IGBP1C: variants seen among roughly 807,000 people sequenced by gnomAD.
IGBP1C encodes the protein IGBP1 family member C.
the IGBP1C span, among the ~76,000 whole-genome samples, chr17:58,672,350 G>A: frequency 6.6e-6 from 1 of 152,034 alleles, no homozygotes; most frequent in Non-Finnish European, 1.5e-5. Flanking sequence ...AGCACTGCTG[G>A]AGAAAAAAAG....
chr17:58,674,529 G>A, the IGBP1C span, among the ~76,000 whole-genome samples: 3 of 151,706 alleles, frequency 2.0e-5, no homozygotes, highest in South Asian at 6.2e-4. Context: ...AATTAGCTGA[G>A]CATGGTGGCT....
the IGBP1C span, among the ~76,000 whole-genome samples, chr17:58,686,863 T>A: frequency 3.8e-5 from 1 of 26,000 alleles, no homozygotes; most frequent in East Asian, 8.9e-4. Context: ...AAGGTCACCT[T>A]TTTTTTTTTT....
the IGBP1C span, chr17:58,661,522 G>C: frequency 1.3e-6 from 1 of 778,420 alleles, no homozygotes; most frequent in African/African-American, 1.7e-5. Context: ...CTTCGACTTC[G>C]TCCAGAAGCT....
chr17:58,688,804 T>TC, the IGBP1C span, among the ~76,000 whole-genome samples: 1 of 152,118 alleles, frequency 6.6e-6, no homozygotes, highest in Admixed American at 6.6e-5. Flanking sequence ...CAAAACATAT[T>TC]CCCGGGGGGG....
the IGBP1C span, among the ~76,000 whole-genome samples, chr17:58,673,431 C>T: frequency 1.6e-4 from 24 of 151,480 alleles, no homozygotes; most frequent in South Asian, 6.3e-4. Flanking sequence ...TGCAGTGAGC[C>T]GAGATCACGC....
chr17:58,666,168 C>T, the IGBP1C span, among the ~76,000 whole-genome samples: 45 of 151,842 alleles, frequency 3.0e-4, no homozygotes, highest in Non-Finnish European at 4.1e-4. Context: ...CATGGTAAGA[C>T]GCCATCTCTA....
At chr17:58,661,385 T>A in the IGBP1C span, 1 of 902,586 alleles carries the variant, frequency 1.1e-6, no homozygotes, top group Non-Finnish European at 1.9e-6. Flanking sequence ...GGAAGTAATC[T>A]CCTCCAAATC....
the IGBP1C span, chr17:58,666,706 T>C: frequency 6.6e-6 from 1 of 152,178 alleles, no homozygotes; most frequent in Admixed American, 6.5e-5. Context: ...ATGAGGTACT[T>C]GCGTGACCCC....
the IGBP1C span, among the ~76,000 whole-genome samples, chr17:58,673,743 T>A: frequency 6.6e-6 from 1 of 151,832 alleles, no homozygotes; most frequent in African/African-American, 2.4e-5. Context: ...TTCAATCTTT[T>A]TTTTGTTTTT....
At chr17:58,680,279 G>A in the IGBP1C span, among the ~76,000 whole-genome samples, 19 of 151,970 alleles carry the variant, frequency 1.3e-4, no homozygotes, top group Non-Finnish European at 2.5e-4. Flanking sequence ...CATGAAATTT[G>A]GTAAAATTAT....
chr17:58,669,884 C>T, the IGBP1C span, among the ~76,000 whole-genome samples: 6 of 152,162 alleles, frequency 3.9e-5, no homozygotes, highest in Non-Finnish European at 8.8e-5. Context: ...GCCCAAAGCC[C>T]TTCAATACTC....
the IGBP1C span, chr17:58,679,531 G>GA: frequency 1.3e-5 from 2 of 152,138 alleles, no homozygotes; most frequent in Admixed American, 6.6e-5. Context: ...CAGATCAGGG[G>GA]AGAGAACCAA....
chr17:58,682,564 C>T, the IGBP1C span, among the ~76,000 whole-genome samples: 7 of 151,984 alleles, frequency 4.6e-5, no homozygotes, highest in Non-Finnish European at 1.5e-5. Flanking sequence ...ACTCCTCCAA[C>T]CAGATTTCAA....
At chr17:58,661,491 A>G in the IGBP1C span, 275 of 781,268 alleles carry the variant, frequency 3.5e-4, 5 homozygotes, top group South Asian at 3.6e-3. Flanking sequence ...ACTATTCGGG[A>G]ACCGGTGGGT....
chr17:58,685,601 T>C, the IGBP1C span, among the ~76,000 whole-genome samples: 1 of 150,340 alleles, frequency 6.7e-6, no homozygotes, highest in Non-Finnish European at 1.5e-5. Flanking sequence ...AGGAAGCAAA[T>C]GGGAAAGAGG....
At chr17:58,686,768 A>G in the IGBP1C span, among the ~76,000 whole-genome samples, 1 of 151,854 alleles carries the variant, frequency 6.6e-6, no homozygotes, top group Non-Finnish European at 1.5e-5. Flanking sequence ...CCACCTCTAA[A>G]GCTATGCCTT....
At chr17:58,666,034 G>A in the IGBP1C span, among the ~76,000 whole-genome samples, 2 of 148,264 alleles carry the variant, frequency 1.3e-5, no homozygotes, top group East Asian at 2.0e-4. Context: ...GGGAGACGGC[G>A]AGACTCTGTC....
chr17:58,681,648 G>T, the IGBP1C span, among the ~76,000 whole-genome samples: 4 of 151,872 alleles, frequency 2.6e-5, no homozygotes, highest in African/African-American at 9.7e-5. Flanking sequence ...CCAGGAGTTC[G>T]AGACCAGCCT....
the IGBP1C span, among the ~76,000 whole-genome samples, chr17:58,686,975 GA>G: frequency 1.5e-3 from 226 of 149,818 alleles, 1 homozygote; most frequent in African/African-American, 5.4e-3. Context: ...TGGGGTTCAG[GA>G]GATTCTCCTG....
Sources: allele counts gnomAD v4.1 joint callset (sites outside exome capture counted in the v4.1 genomes callset), GRCh38; gene constraint gnomAD v4.1.1; transcripts MANE v1.5; gene names NCBI Gene and HGNC (gene_info 2026-07-23, HGNC 2026-07-21).